The following SLC8A1 variants were observed in gnomAD, a reference collection of about 807,000 sequenced individuals.
SLC8A1 encodes solute carrier family 8 member A1.
In SLC8A1, 18 loss-of-function variants were observed where a neutral mutation model predicts 68.3. That is an observed-to-expected ratio of 0.26 (90% CI 0.18 to 0.39). The LOEUF is 0.39. SLC8A1 is among the 10% of genes least tolerant of loss of function. The pLI, the probability that SLC8A1 is intolerant of heterozygous loss-of-function variation, is 1.00. For missense variants in SLC8A1, 985 were observed against 1,156.7 expected (o/e 0.85, Z 2.15); for synonymous variants, 475 against 415.5 (o/e 1.14, Z -1.74).
chr2:40,265,128 G>A (rs1416044745), intron 2 of SLC8A1, among the ~76,000 whole-genome samples: 1 of 152,188 alleles, frequency 6.6e-6, no homozygotes, highest in South Asian at 2.1e-4. Context: ...TCAGAAGGCG[G>A]ATTGTCCAGG....
chr2:40,213,410 A>G (rs977817796), intron 2 of SLC8A1: 11 of 152,188 alleles, frequency 7.2e-5, no homozygotes, highest in African/African-American at 2.7e-4. Flanking sequence ...TTGTCTTTCA[A>G]TATTCTATCA....
At chr2:40,403,745 G>C (rs1445873370) in intron 2 of SLC8A1, among the ~76,000 whole-genome samples, 1 of 151,966 alleles carries the variant, frequency 6.6e-6, no homozygotes, top group Non-Finnish European at 1.5e-5. Context: ...GATTCATAAG[G>C]TACAGAACCT....
At chr2:40,430,250 G>C (rs1311147797) in exon 2 of SLC8A1, 1 of 1,613,056 alleles carries the variant, frequency 6.2e-7, no homozygotes, top group Admixed American at 1.7e-5. Flanking sequence ...GAAAAGGTGG[G>C]TGAAAGACTT....
At chr2:40,441,520 A>G (rs939264291) in intron 1 of SLC8A1, among the ~76,000 whole-genome samples, 3 of 152,148 alleles carry the variant, frequency 2.0e-5, no homozygotes, top group African/African-American at 7.2e-5. Flanking sequence ...CTATACTACT[A>G]CAAGACTACA....
intron 2 of SLC8A1, among the ~76,000 whole-genome samples, chr2:40,353,184 C>T (rs2149451534): frequency 1.3e-5 from 2 of 152,248 alleles, no homozygotes; most frequent in South Asian, 4.1e-4. Flanking sequence ...AGAATGAGAA[C>T]TTTTTCTGGA....
intron 2 of SLC8A1, among the ~76,000 whole-genome samples, chr2:40,214,539 T>C (rs2057154203): frequency 6.6e-6 from 1 of 151,662 alleles, no homozygotes; most frequent in East Asian, 1.9e-4. Flanking sequence ...GCCTCCTAGG[T>C]TCAAGTATTC....
chr2:40,206,155 A>G (rs1234153142), intron 2 of SLC8A1, among the ~76,000 whole-genome samples: 1 of 152,106 alleles, frequency 6.6e-6, no homozygotes, highest in East Asian at 1.9e-4. Context: ...GATAGAAGCT[A>G]TGAAGAACCA....
At chr2:40,499,269 G>C (rs1292369228) in intron 1 of SLC8A1, among the ~76,000 whole-genome samples, 1 of 152,040 alleles carries the variant, frequency 6.6e-6, no homozygotes, top group East Asian at 1.9e-4. Context: ...GACTTTTCTA[G>C]CTCTACTGTA....
At chr2:40,354,143 T>A (rs936372601) in intron 2 of SLC8A1, among the ~76,000 whole-genome samples, 6 of 152,190 alleles carry the variant, frequency 3.9e-5, no homozygotes, top group African/African-American at 1.2e-4. Flanking sequence ...GCTATACCAC[T>A]TTGCATTCTC....
At chr2:40,500,404 C>T (rs948204708) in intron 1 of SLC8A1, among the ~76,000 whole-genome samples, 1 of 152,042 alleles carries the variant, frequency 6.6e-6, no homozygotes, top group African/African-American at 2.4e-5. Context: ...ATTCCCAAGA[C>T]AGATTAACTT....
At chr2:40,403,327 C>T (rs78359630) in intron 2 of SLC8A1, among the ~76,000 whole-genome samples, 107 of 152,264 alleles carry the variant, frequency 7.0e-4, no homozygotes, top group Non-Finnish European at 1.2e-3. Context: ...GAAATGCTCT[C>T]GTTTCATGGT....
chr2:40,218,011 A>G (rs1398830442), intron 2 of SLC8A1, among the ~76,000 whole-genome samples: 3 of 152,154 alleles, frequency 2.0e-5, no homozygotes, highest in Non-Finnish European at 4.4e-5. Context: ...ATATTAAGAG[A>G]AAGGGAACAA....
intron 2 of SLC8A1, among the ~76,000 whole-genome samples, chr2:40,411,097 A>T (rs751181695): frequency 4.6e-5 from 7 of 152,076 alleles, no homozygotes; most frequent in Non-Finnish European, 1.0e-4. Context: ...TACGAAATAA[A>T]TGATTAGGTA....
At chr2:40,360,081 C>A (rs1031184305) in intron 2 of SLC8A1, among the ~76,000 whole-genome samples, 1 of 152,124 alleles carries the variant, frequency 6.6e-6, no homozygotes, top group South Asian at 2.1e-4. Context: ...ATTTAATCAT[C>A]CCAAAAACCT....
At chr2:40,169,762 G>A (rs1326272811) in intron 4 of SLC8A1, among the ~76,000 whole-genome samples, 1 of 152,086 alleles carries the variant, frequency 6.6e-6, no homozygotes, top group African/African-American at 2.4e-5. Context: ...GCCACATGGT[G>A]AGACCCCGTC....
At chr2:40,438,209 T>C (rs1373671835) in intron 1 of SLC8A1, among the ~76,000 whole-genome samples, 2 of 152,162 alleles carry the variant, frequency 1.3e-5, no homozygotes, top group Non-Finnish European at 2.9e-5. Flanking sequence ...TTTCACATAA[T>C]AATTGTTCAC....
intron 1 of SLC8A1, among the ~76,000 whole-genome samples, chr2:40,475,039 A>G (rs1002688216): frequency 2.0e-5 from 3 of 152,198 alleles, no homozygotes; most frequent in Admixed American, 6.5e-5. Flanking sequence ...TTATAAAAAA[A>G]TTATTTAGGA....
At chr2:40,431,111 T>A (rs2149791189) in intron 1 of SLC8A1, among the ~76,000 whole-genome samples, 1 of 152,318 alleles carries the variant, frequency 6.6e-6, no homozygotes, top group Non-Finnish European at 1.5e-5. Flanking sequence ...ATCTGGTTCT[T>A]CAAGCACAGC....
At chr2:40,208,011 G>A (rs1028142839) in intron 2 of SLC8A1, among the ~76,000 whole-genome samples, 1 of 152,138 alleles carries the variant, frequency 6.6e-6, no homozygotes, top group Non-Finnish European at 1.5e-5. Flanking sequence ...AGCACTGCAA[G>A]AGCTTCCTCT....
Sources: gnomAD v4.1 joint callset for allele counts (sites outside exome capture counted in the v4.1 genomes callset) on GRCh38, gnomAD v4.1.1 for gene constraint, MANE v1.5 for transcripts, NCBI Gene and HGNC (gene_info 2026-07-23, HGNC 2026-07-21) for gene names.